The following ARHGEF10 variants were observed in gnomAD, a reference collection of about 807,000 sequenced individuals.
The protein encoded by ARHGEF10 is Rho guanine nucleotide exchange factor (GEF) 10.
ARHGEF10 carries 140 observed loss-of-function variants against 147.4 expected under a neutral mutation model. The ratio of observed to expected loss-of-function variants is 0.95; its 90% CI spans 0.83 to 1.09. The LOEUF (loss-of-function observed/expected upper bound fraction) is 1.09. Ranked by LOEUF, ARHGEF10 falls within the 50% of genes least tolerant of loss-of-function variation. The pLI is 0.00. For synonymous variants in ARHGEF10, 902 were observed against 695.8 expected (o/e 1.30, Z -4.67); for missense variants, 2,222 against 1,752.7 (o/e 1.27, Z -4.78).
chr8:1,862,490 C>T (rs376756367), intron 4 of ARHGEF10, among the ~76,000 whole-genome samples: 125 of 152,374 alleles, frequency 8.2e-4, no homozygotes, highest in African/African-American at 2.9e-3. Context: ...TTAGGCGACT[C>T]CCTGGCCAGC....
At chr8:1,916,593 C>T (rs1015933771) in intron 18 of ARHGEF10, among the ~76,000 whole-genome samples, 3 of 152,168 alleles carry the variant, frequency 2.0e-5, no homozygotes, top group East Asian at 1.9e-4. Flanking sequence ...GCTGCCGTAA[C>T]GTGTCCAGAA....
intron 10 of ARHGEF10, among the ~76,000 whole-genome samples, chr8:1,884,397 A>G (rs904608213): frequency 6.8e-5 from 6 of 88,346 alleles, no homozygotes; most frequent in African/African-American, 2.3e-4. Context: ...GTCCATCTCA[A>G]GAAAAAAAAA....
chr8:1,853,129 G>C (rs540238679), intron 2 of ARHGEF10, among the ~76,000 whole-genome samples: 1 of 152,322 alleles, frequency 6.6e-6, no homozygotes, highest in East Asian at 1.9e-4. Flanking sequence ...GGTCGGCACG[G>C]GCTGCACTGC....
intron 11 of ARHGEF10, among the ~76,000 whole-genome samples, chr8:1,890,608 C>T (rs1201522025): frequency 7.7e-6 from 1 of 129,234 alleles, no homozygotes; most frequent in African/African-American, 3.2e-5. Context: ...CTGAGTTTGG[C>T]GAAGGTTATG....
chr8:1,905,850 T>G, intron 17 of ARHGEF10, 134 bp downstream of exon 17: 1 of 1,106,918 alleles, frequency 9.0e-7, no homozygotes, highest in South Asian at 1.3e-5. Context: ...GTCCTGTGAC[T>G]AAGGGAACCC....
intron 15 of ARHGEF10, among the ~76,000 whole-genome samples, chr8:1,900,865 C>T (rs1027265268): frequency 1.1e-4 from 16 of 152,066 alleles, no homozygotes; most frequent in Admixed American, 3.3e-4. Context: ...CTCGAGAGAC[C>T]CTCTTTAGAA....
intron 9 of ARHGEF10, 107 bp downstream of exon 9, chr8:1,880,271 G>C (rs1415206657): frequency 1.3e-6 from 1 of 792,734 alleles, no homozygotes; most frequent in African/African-American, 1.7e-5. Context: ...CTCAAAGGGT[G>C]GTCCGGGGCT....
chr8:1,941,285 A>G (rs951918810), intron 26 of ARHGEF10, among the ~76,000 whole-genome samples: 3 of 152,266 alleles, frequency 2.0e-5, no homozygotes, highest in African/African-American at 7.2e-5. Flanking sequence ...AGATCGGTAT[A>G]CAAAAATCAA....
At chr8:1,916,133 G>A (rs1182497930) in intron 18 of ARHGEF10, among the ~76,000 whole-genome samples, 1 of 152,236 alleles carries the variant, frequency 6.6e-6, no homozygotes, top group Non-Finnish European at 1.5e-5. Context: ...ATGTCCCTAA[G>A]TGTGGACGGC....
intron 1 of ARHGEF10, among the ~76,000 whole-genome samples, chr8:1,842,959 C>T (rs1163257022): frequency 6.6e-6 from 1 of 152,216 alleles, no homozygotes; most frequent in Non-Finnish European, 1.5e-5. Flanking sequence ...GCCGTCAGCG[C>T]CGCACCTGAT....
At chr8:1,844,029 G>T (rs1429882464) in intron 2 of ARHGEF10, among the ~76,000 whole-genome samples, 4 of 152,248 alleles carry the variant, frequency 2.6e-5, no homozygotes, top group African/African-American at 9.6e-5. Flanking sequence ...GACACTGACC[G>T]ACGTTTCCAT....
At chr8:1,892,277 C>G (rs1025707180) in intron 11 of ARHGEF10, among the ~76,000 whole-genome samples, 42 of 126,634 alleles carry the variant, frequency 3.3e-4, no homozygotes, top group African/African-American at 6.7e-4. Flanking sequence ...GCTTCTGGCT[C>G]TGTGTGTGTG....
chr8:1,954,127 T>G (rs1815288089), intron 28 of ARHGEF10, among the ~76,000 whole-genome samples: 1 of 152,058 alleles, frequency 6.6e-6, no homozygotes, highest in African/African-American at 2.4e-5. Flanking sequence ...GTAGTCTCAC[T>G]CTGGCACCCA....
At chr8:1,887,653 G>A (rs1271463567) in intron 11 of ARHGEF10, among the ~76,000 whole-genome samples, 1 of 145,328 alleles carries the variant, frequency 6.9e-6, no homozygotes, top group Non-Finnish European at 1.5e-5. Context: ...CTGAGAGTCT[G>A]TGAGGAGACA....
chr8:1,885,808 A>T (rs1808608442), intron 11 of ARHGEF10, 101 bp downstream of exon 11: 7 of 957,316 alleles, frequency 7.3e-6, no homozygotes, highest in Non-Finnish European at 1.2e-5. Context: ...TTGCTGTCTC[A>T]AACTCTGCAT....
intron 27 of ARHGEF10, among the ~76,000 whole-genome samples, chr8:1,951,524 CTGTT>C (rs1312854054): frequency 2.0e-5 from 3 of 152,162 alleles, no homozygotes; most frequent in Non-Finnish European, 4.4e-5. Flanking sequence ...TTGGGGGAGG[CTGTT>C]TGACCTCTGT....
rs1020211454 is a variant in ARHGEF10, at chr8:1,834,624, A to C, written c.-47-8729A>C. On this transcript the variant is annotated intron_variant, in intron 1 of 28. Coordinates refer to ENST00000349830, the MANE Select transcript of ARHGEF10 (RefSeq NM_014629.4). ...ATCCATCCCCTTTCCGTAAGCATTG[A>C]GTGTCCTCACAGACCTCTGGAAACA... Among the ~76,000 whole-genome samples the C allele has an allele frequency of 2.0e-5, 3 of 152,112 alleles. No individual in the cohort carries two copies. The East Asian group carries it at 5.8e-4, about 29-fold the overall frequency.
intron 15 of ARHGEF10, among the ~76,000 whole-genome samples, chr8:1,899,481 T>A (rs567654314): frequency 1.2e-3 from 179 of 152,280 alleles, no homozygotes; most frequent in Middle Eastern, 3.4e-3. Context: ...TAGTGTGAAG[T>A]CCCCTTCCAT....
At chr8:1,891,023 C>G (rs571258284) in intron 11 of ARHGEF10, among the ~76,000 whole-genome samples, 16 of 152,184 alleles carry the variant, frequency 1.1e-4, no homozygotes, top group Non-Finnish European at 1.9e-4. Context: ...TTCAGTTTTC[C>G]TTTTCTTTGA....
Sources: gnomAD v4.1 joint callset for allele counts (sites outside exome capture counted in the v4.1 genomes callset) on GRCh38, gnomAD v4.1.1 for gene constraint, MANE v1.5 for transcripts, NCBI Gene and HGNC (gene_info 2026-07-23, HGNC 2026-07-21) for gene names.